The following RBM19 variants were observed in gnomAD, a reference collection of about 807,000 sequenced individuals.
The protein encoded by RBM19 is probable RNA-binding protein 19.
A neutral mutation model predicts 116.8 loss-of-function variants in RBM19; 94 were observed. The ratio of observed to expected loss-of-function variants is 0.80; its 90% confidence interval spans 0.68 to 0.95. The LOEUF (loss-of-function observed/expected upper bound fraction) is 0.95. Ranked by LOEUF, RBM19 falls within the 40% of genes least tolerant of loss-of-function variation. The pLI, the probability that RBM19 is intolerant of heterozygous loss-of-function variation, is 0.00. For missense variants in RBM19, 1,161 were observed against 1,220.7 expected (o/e 0.95, Z 0.73); for synonymous variants, 475 against 494.1 (o/e 0.96, Z 0.51).
intron 6 of RBM19, among the ~76,000 whole-genome samples, chr12:113,956,911 C>T (rs778623781): frequency 6.6e-5 from 10 of 152,160 alleles, no homozygotes; most frequent in African/African-American, 1.2e-4. Flanking sequence ...TGAGATGCAA[C>T]GGCACGGCAG....
At chr12:113,859,352 G>A (rs910246177) in intron 21 of RBM19, among the ~76,000 whole-genome samples, 1 of 152,184 alleles carries the variant, frequency 6.6e-6, no homozygotes, top group Admixed American at 6.5e-5. Flanking sequence ...CTGTATGTCT[G>A]AGCTGAGCAC....
chr12:113,829,019 A>C (rs79229619), intron 23 of RBM19, among the ~76,000 whole-genome samples: 11,023 of 150,982 alleles, frequency 0.073, 523 homozygotes, highest in East Asian at 0.12. Context: ...TTTTTTTTAA[A>C]TAGACAGAAT....
chr12:113,939,976 T>C lies in RBM19; in HGVS notation c.1922A>G (p.His641Arg), dbSNP rs1430679268. 1 of 1,614,060 alleles carries C rather than the reference T, an allele frequency of 6.2e-7. No homozygotes were observed. The change falls in exon 15 of 24, where the codon CAT becomes CGT. Residue 641 changes from histidine to arginine, a missense_variant. By Grantham distance (29) the His-to-Arg change is conservative (BLOSUM62 0). Coordinates refer to ENST00000261741, the MANE Select transcript of RBM19 (RefSeq NM_016196.4). ...EPLEARKAFR[H>R]LAYSKFHHVP... ...CAGCCCTACCTTGGAATAGGCCAGA[T>C]GCCTGAAGGCCTTGCGGGCCTCCAG...
intron 21 of RBM19, among the ~76,000 whole-genome samples, chr12:113,875,896 G>A (rs997599087): frequency 2.0e-4 from 31 of 152,094 alleles, no homozygotes; most frequent in Admixed American, 7.2e-4. Flanking sequence ...TGTGAATCTC[G>A]GCCACACCTC....
intron 21 of RBM19, among the ~76,000 whole-genome samples, chr12:113,883,791 C>T (rs909306140): frequency 2.0e-5 from 3 of 152,144 alleles, no homozygotes; most frequent in African/African-American, 7.2e-5. Flanking sequence ...GTCCACCAGC[C>T]CTGGATAACA....
intron 21 of RBM19, among the ~76,000 whole-genome samples, chr12:113,892,140 GA>G (rs1443390623): frequency 6.6e-6 from 1 of 152,184 alleles, no homozygotes; most frequent in Non-Finnish European, 1.5e-5. Context: ...AGCATCCTAT[GA>G]ATAGGTGAGA....
chr12:113,819,894 T>C (rs964699574), downstream of RBM19, among the ~76,000 whole-genome samples: 2 of 152,362 alleles, frequency 1.3e-5, no homozygotes, highest in Non-Finnish European at 2.9e-5. Flanking sequence ...AGAACAATGA[T>C]GATGATTGTA....
chr12:113,836,434 A>G (rs1875893438), intron 23 of RBM19, among the ~76,000 whole-genome samples: 1 of 152,174 alleles, frequency 6.6e-6, no homozygotes, highest in Non-Finnish European at 1.5e-5. Flanking sequence ...TCAACTTGCA[A>G]GGAAAAATAT....
chr12:113,890,519 T>C (rs772497526), intron 21 of RBM19, among the ~76,000 whole-genome samples: 4 of 152,182 alleles, frequency 2.6e-5, no homozygotes, highest in African/African-American at 4.8e-5. Flanking sequence ...TACAAATGAG[T>C]GACTCTTCAT....
chr12:113,860,826 A>C (rs7300884), intron 21 of RBM19, among the ~76,000 whole-genome samples: 17,554 of 152,124 alleles, frequency 0.12, 1,198 homozygotes, highest in Non-Finnish European at 0.16. Flanking sequence ...GGCCCCATCT[A>C]TCTTGCTCAT....
At chr12:113,823,414 G>T (rs2135675281) in intron 23 of RBM19, 93 bp from the exon 24 acceptor site, 2 of 1,081,442 alleles carry the variant, frequency 1.8e-6, no homozygotes, top group South Asian at 1.4e-5. Flanking sequence ...GAGGGAGAGG[G>T]GAGAGATGAG....
At chr12:113,923,706 GC>G (rs1390584141) in intron 18 of RBM19, among the ~76,000 whole-genome samples, 2 of 152,278 alleles carry the variant, frequency 1.3e-5, no homozygotes, top group East Asian at 1.9e-4. Context: ...TGGCTGCTCT[GC>G]CCCCCACCCC....
intron 23 of RBM19, among the ~76,000 whole-genome samples, chr12:113,844,008 A>T (rs1876728606): frequency 6.6e-6 from 1 of 152,180 alleles, no homozygotes; most frequent in Non-Finnish European, 1.5e-5. Flanking sequence ...CCACCTGATG[A>T]GGAATGTGTC....
intron 1 of RBM19, among the ~76,000 whole-genome samples, chr12:113,965,903 G>C (rs1872827565): frequency 6.6e-6 from 1 of 152,204 alleles, no homozygotes; most frequent in Admixed American, 6.5e-5. Context: ...GAAAGAGGTT[G>C]TGGGAGCAGG....
chr12:113,863,211 CTGTGTG>C (rs3065431), intron 21 of RBM19, among the ~76,000 whole-genome samples: 45 of 148,502 alleles, frequency 3.0e-4, no homozygotes, highest in Admixed American at 9.3e-4. Context: ...ATACGTGTGT[CTGTGTG>C]TGTGTGTGTG....
intron 13 of RBM19, among the ~76,000 whole-genome samples, chr12:113,943,404 A>T (rs1870742396): frequency 6.6e-6 from 1 of 152,192 alleles, no homozygotes; most frequent in African/African-American, 2.4e-5. Context: ...GCCCCTCAGT[A>T]TGTGAAATGC....
chr12:113,950,268 C>T (rs571407978), intron 8 of RBM19, 114 bp from the exon 9 acceptor site: 13 of 831,044 alleles, frequency 1.6e-5, no homozygotes, highest in African/African-American at 3.4e-5. Flanking sequence ...GAAACCTCTA[C>T]CTTGGTCAGA....
chr12:113,932,127 A>G (rs1869659917), intron 16 of RBM19, among the ~76,000 whole-genome samples: 1 of 152,222 alleles, frequency 6.6e-6, no homozygotes, highest in Non-Finnish European at 1.5e-5. Flanking sequence ...GTAAGAGCAC[A>G]GGCCTCAGAG....
chr12:113,860,169 C>CGGGGAGGGGAAGGAGCCAGGAACGT (rs1878251890), intron 21 of RBM19, among the ~76,000 whole-genome samples: 1 of 152,204 alleles, frequency 6.6e-6, no homozygotes, highest in Non-Finnish European at 1.5e-5. Context: ...GCCAGCCTCC[C>CGGGGAGGGGAAGGAGCCAGGAACGT]GGGGAGGGGA....
Sources: allele counts gnomAD v4.1 joint callset (sites outside exome capture counted in the v4.1 genomes callset), GRCh38; gene constraint gnomAD v4.1.1; transcripts MANE v1.5; gene names NCBI Gene and HGNC (gene_info 2026-07-23, HGNC 2026-07-21).